OPLAH: variants seen among roughly 807,000 people sequenced by gnomAD.
OPLAH encodes 5-oxoprolinase.
In OPLAH, 103 loss-of-function variants were observed where a neutral mutation model predicts 122.8. That is an observed-to-expected ratio of 0.84 (90% CI 0.71 to 0.99). The LOEUF is 0.99. Ranked by LOEUF, OPLAH falls within the 50% of genes least tolerant of loss-of-function variation. The pLI, the probability that OPLAH is intolerant of heterozygous loss-of-function variation, is 0.00. For missense variants in OPLAH, 1,902 were observed against 1,836.5 expected, an observed-to-expected ratio of 1.04 and a Z score of -0.65; for synonymous variants, 875 against 796.0, an observed-to-expected ratio of 1.10 and a Z score of -1.67.
chr8:144,056,005 CGGCCCCA>C, intron 15 of OPLAH, 66 bp from the exon 16 acceptor site: 1 of 1,492,314 alleles, frequency 6.7e-7, no homozygotes, highest in Non-Finnish European at 9.0e-7. Context: ...AGAGATGCCA[CGGCCCCA>C]GGCCAGGGGC....
In OPLAH at chr8:144,054,632, G is replaced by A; in HGVS notation, c.2615C>T (p.Thr872Ile). ...GACGGCACCCTCCTGTTGCAGCATGGTGGAGTGGGGGGGCATGGAGCCTGG... is the reference window on the plus strand; with the variant it reads ...GACGGCACCCTCCTGTTGCAGCATGATGGAGTGGGGGGGCATGGAGCCTGG... ...ITPGSMPPHS[T>I]MLQQEGAVFL... is the part of the protein sequence containing the mutation. The change falls in exon 19 of 27, where the codon ACC becomes ATC. Residue 872 changes from threonine (T) to isoleucine (I), a missense_variant. By Grantham distance (89) the Thr-to-Ile change is moderately conservative. Around this residue, in one of 3 missense-constraint regions of OPLAH, gnomAD observed 1,726 missense variants for 1,642.1 expected, o/e 1.05. Transcript: ENST00000618853. The A allele has an allele frequency of 1.9e-6, 3 of 1,611,380 alleles. No individual in the cohort carries two copies. Among genetic ancestry groups the A allele is most frequent in the Non-Finnish European group, 2.5e-6 (3 of 1,178,700 alleles).
chr8:144,055,193 GGAGCACAAAGTGACCAGGCC>G lies in OPLAH; in HGVS notation c.2249-24_2249-5del. 6.6e-7 allele frequency: 1 copy of G among 1,515,260 alleles called. No homozygotes were observed. The highest frequency in any genetic ancestry group is 1.3e-5 in the South Asian group (1 of 74,860). The allele number at this position is 1,515,260 out of a possible 1,614,324, so 93.9% of individuals were successfully genotyped here. A position where few individuals can be genotyped will look rare whatever the true frequency, so the allele number is the denominator to read the frequency against. ...TGCAGGATGCGGCCCATCTGCTCTA[GGAGCACAAAGTGACCAGGCC>G]CGCTGGCCCCACCCACCCACAGCCT... On this transcript the variant is annotated splice_region_variant and splice_polypyrimidine_tract_variant and intron_variant, in intron 16 of 26. Coordinates refer to ENST00000618853, the MANE Select transcript of OPLAH (RefSeq NM_017570.5). The surrounding 1 kb of genome is among the most constrained non-coding windows in gnomAD (Gnocchi z 6.5).
chr8:144,059,444 G>A (rs571740143), intron 3 of OPLAH, among the ~76,000 whole-genome samples, 155 bp downstream of exon 3: 1 of 152,358 alleles, frequency 6.6e-6, no homozygotes, highest in Non-Finnish European at 1.5e-5. Flanking sequence ...AGGGCTAGGA[G>A]AACTTGGGGT....
rs1835476335 is a variant in OPLAH, at chr8:144,055,001, T to TGGGGGGG, written c.2409+27_2409+28insCCCCCCC. ...GGGGGTGGAGGGTGAGGGAGGGGGA[T>TGGGGGGG]GGAAGGGTGAGGCGGGGGAAGGGCC... On this transcript the variant is annotated intron_variant, in intron 17 of 26. Transcript: ENST00000618853. The surrounding 1 kb of genome is among the most constrained non-coding windows in gnomAD (Gnocchi z 6.5). 1 of 486,920 alleles carries TGGGGGGG rather than the reference T, an allele frequency of 2.1e-6. No homozygotes were observed. The highest frequency in any genetic ancestry group is 2.8e-6 in the Non-Finnish European group (1 of 357,374). The allele number at this position is 486,920 out of a possible 1,614,324, so 30.2% of individuals were successfully genotyped here.
At chr8:144,050,518 C>G, downstream of OPLAH, 1 of 985,306 alleles carries the variant, frequency 1.0e-6, no homozygotes, top group Non-Finnish European at 1.2e-6. Flanking sequence ...CCGCCCACCG[C>G]GCGCCCGCCT....
chr8:144,059,190 G>A, intron 3 of OPLAH, 111 bp from the exon 4 acceptor site: 1 of 891,508 alleles, frequency 1.1e-6, no homozygotes, highest in Middle Eastern at 2.5e-4. Flanking sequence ...CCGGTCGGCA[G>A]GCCCAGGAGA....
At chr8:144,053,977 C>T (rs1554758344) in intron 19 of OPLAH, among the ~76,000 whole-genome samples, 1 of 123,286 alleles carries the variant, frequency 8.1e-6, no homozygotes, top group African/African-American at 3.0e-5. Context: ...TGTCCCCCAC[C>T]CCCCGCCCTC....
At chr8:144,051,219 T>C, downstream of OPLAH, 1 of 1,543,368 alleles carries the variant, frequency 6.5e-7, no homozygotes. Context: ...CAAGCACAGA[T>C]GAGGGGCGCG....
chr8:144,055,640 A>G lies in OPLAH; in HGVS notation c.2248+148T>C. 2 of 981,156 alleles carry G rather than the reference A, an allele frequency of 2.0e-6. No homozygotes were observed. Among genetic ancestry groups the G allele is most frequent in the Non-Finnish European group, 2.8e-6 (2 of 705,630 alleles). 60.8% of individuals were successfully genotyped at this position (981,156 alleles called of 1,614,324 possible). ...TGCCCAAGGTTTGTTCTCATGGCCA[A>G]CTGCACCACACCAGTGCTGCGGCCA... On this transcript the variant is annotated intron_variant, in intron 16 of 26. Transcript: ENST00000618853. The surrounding 1 kb of genome is among the most constrained non-coding windows in gnomAD (Gnocchi z 6.5).
In OPLAH at chr8:144,059,083, G is replaced by A. The variant is rs1391524265; in HGVS notation, c.364-4C>T. ...GCACCTCAGGCATGGGCACGGCCTG[G>A]GGGCGGGCAGAGACTCAGAAGAGGC... is the stretch of plus-strand genomic sequence containing the variant. On this transcript the variant is annotated splice_polypyrimidine_tract_variant and splice_region_variant and intron_variant, in intron 3 of 26. Coordinates refer to ENST00000618853, the MANE Select transcript of OPLAH (RefSeq NM_017570.5). The A allele has an allele frequency of 6.4e-7, 1 of 1,570,268 alleles. No homozygotes were observed. The highest frequency in any genetic ancestry group is 2.4e-5 in the East Asian group (1 of 42,246).
intron 26 of OPLAH, 83 bp from the exon 27 acceptor site, chr8:144,051,555 G>A (rs1337258419): frequency 5.6e-6 from 7 of 1,249,784 alleles, no homozygotes; most frequent in African/African-American, 1.6e-5. Context: ...CCTCCCCACC[G>A]GGCAGCGTCC....
chr8:144,059,975 C>G lies in OPLAH; in HGVS notation c.58G>C (p.Asp20His), dbSNP rs781864474. 1 of 1,612,762 alleles carries G rather than the reference C, an allele frequency of 6.2e-7. No individual in the cohort carries two copies. The highest frequency in any genetic ancestry group is 8.5e-7 in the Non-Finnish European group (1 of 1,179,818). ...CCCCCTGGGCACTGGGCAAAGACGTCTGTGAAGGTACCCCCACGGTCGATG... is the reference window on the plus strand; with the variant it reads ...CCCCCTGGGCACTGGGCAAAGACGTGTGTGAAGGTACCCCCACGGTCGATG... ...FAIDRGGTFTDVFAQCPGGHV... is the reference protein window; with the variant it reads ...FAIDRGGTFTHVFAQCPGGHV... The change falls in exon 2 of 27, where the codon GAC becomes CAC. Residue 20 changes from aspartate (D) to histidine (H), a missense_variant. Asp to His is a moderately conservative substitution (Grantham distance 81). Coordinates refer to ENST00000618853, the MANE Select transcript of OPLAH (RefSeq NM_017570.5).
downstream of OPLAH, chr8:144,050,814 C>T: frequency 2.0e-6 from 2 of 989,588 alleles, no homozygotes; most frequent in Non-Finnish European, 2.4e-6. Context: ...TGAGCACCTC[C>T]GTGCTCCACC....
At position 144,059,768 on chromosome 8, in the gene OPLAH, C is replaced by A; in HGVS notation, c.194G>T (p.Arg65Leu). ...LEQEAGMLLP[R>L]DQPLDSSHIA... Reference sequence around the variant, plus strand: ...ATGACTGGAGTCCAGCGGCTGGTCCCGGGGCAGGAGCATGCCGGCCTCCTG... The same window carrying A: ...ATGACTGGAGTCCAGCGGCTGGTCCAGGGGCAGGAGCATGCCGGCCTCCTG... Residue 65 changes from arginine (R) to leucine (L), a missense_variant, in exon 3 of 27, where the codon CGG (arginine) becomes CTG (leucine). By Grantham distance (102) the Arg-to-Leu change is moderately radical (BLOSUM62 -2). Around this residue, in one of 3 missense-constraint regions of OPLAH, gnomAD observed 168 missense variants for 170.6 expected, o/e 0.98. Coordinates refer to ENST00000618853, the MANE Select transcript of OPLAH (RefSeq NM_017570.5). 1 of 1,608,712 alleles carries A rather than the reference C, an allele frequency of 6.2e-7. No homozygotes were observed. The highest frequency in any genetic ancestry group is 8.5e-7 in the Non-Finnish European group (1 of 1,179,042).
chr8:144,053,976 C>A (rs1835449910), intron 19 of OPLAH, among the ~76,000 whole-genome samples: 1 of 116,264 alleles, frequency 8.6e-6, no homozygotes, highest in Non-Finnish European at 1.8e-5. Flanking sequence ...CTGTCCCCCA[C>A]CCCCCGCCCT....
At chr8:144,050,722 G>C (rs1330514988), downstream of OPLAH, 45 of 985,742 alleles carry the variant, frequency 4.6e-5, no homozygotes, top group African/African-American at 5.2e-5. Flanking sequence ...GAGGGTATCG[G>C]AGCGGGAAGT....
chr8:144,052,513 A>C lies in OPLAH; in HGVS notation c.3239T>G (p.Val1080Gly), dbSNP rs1554757933. ...SPEAAVVGGN[V>G]LTSQRVVDVI... ...ATCCACCACGCGCTGCGACGTGAGC[A>C]CGTTGCCGCCCACCACCGCCGCCTC... Residue 1080 changes from valine to glycine, a missense_variant, in exon 23 of 27, where the codon GTG (valine) becomes GGG (glycine). Val to Gly is a moderately radical substitution (Grantham distance 109). Transcript: ENST00000618853. 6.3e-7 allele frequency: 1 copy of C among 1,581,854 alleles called. No homozygotes were observed. Among genetic ancestry groups the C allele is most frequent in the Admixed American group, 1.8e-5 (1 of 57,014 alleles).
rs1554757832 is a variant in OPLAH at position 144,052,153 on chromosome 8, C to T, written c.3461+16G>A. 1 of 1,556,318 alleles carries T rather than the reference C, an allele frequency of 6.4e-7. No individual in the cohort carries two copies. On this transcript the variant is annotated intron_variant, in intron 24 of 26. Coordinates refer to ENST00000618853, the MANE Select transcript of OPLAH (RefSeq NM_017570.5). The stretch of plus-strand genomic sequence containing the variant: ...CCCACCCGGCCGTGCCCCCAGCCTC[C>T]GCGCACGCCGCTCACCGGCTCTCCA...
rs781848414 is a variant in OPLAH, at chr8:144,059,954, CT to C, written c.78del (p.His29ThrfsTer5). 13 of 1,612,670 alleles carry C rather than the reference CT, an allele frequency of 8.1e-6. No individual in the cohort carries two copies. The highest frequency in any genetic ancestry group is 9.3e-6 in the Non-Finnish European group (11 of 1,179,844). On this transcript the variant is annotated frameshift_variant, in exon 2 of 27. Transcript: ENST00000618853. LOFTEE classifies it high-confidence loss of function. ...GTFTDVFAQC[P>X]GGHVRVLKLL... ...AGTTTTAAGACCCGCACGTGCCCCC[CT>C]GGGCACTGGGCAAAGACGTCTGTGA... is the stretch of plus-strand genomic sequence containing the variant.
Sources: gnomAD v4.1 joint callset for allele counts (sites outside exome capture counted in the v4.1 genomes callset) on GRCh38, gnomAD v4.1.1 for gene constraint, gnomAD v4.1.1 regional missense constraint, Gnocchi (gnomAD v3.1) non-coding constraint, MANE v1.5 for transcripts, NCBI Gene and HGNC (gene_info 2026-07-23, HGNC 2026-07-21) for gene names.